EVC2: variants seen among roughly 807,000 people sequenced by gnomAD.
The protein encoded by EVC2 is limbin.
Under a neutral mutation model 149.3 loss-of-function variants are expected in EVC2, and 148 were observed. The observed-to-expected ratio is 0.99, with a 90% confidence interval of 0.87 to 1.14. The LOEUF (loss-of-function observed/expected upper bound fraction) is 1.14. Among genes scored for constraint, EVC2 ranks in the 50% most tolerant of loss-of-function variants. The pLI is 0.00. For missense variants in EVC2, 1,854 were observed against 1,627.3 expected, an observed-to-expected ratio of 1.14 and a Z score of -2.40; for synonymous variants, 776 against 649.9, an observed-to-expected ratio of 1.19 and a Z score of -2.95.
downstream of EVC2, among the ~76,000 whole-genome samples, chr4:5,540,699 A>G (rs971634596): frequency 5.3e-5 from 8 of 152,150 alleles, no homozygotes; most frequent in African/African-American, 1.9e-4. Flanking sequence ...GCCACAAGGA[A>G]ATTTTGGGGG....
chr4:5,576,540 T>G lies in EVC2; in HGVS notation c.3058-86A>C. The G allele has an allele frequency of 6.5e-7, 1 of 1,534,226 alleles. No individual in the cohort carries two copies. The highest frequency in any genetic ancestry group is 8.7e-7 in the Non-Finnish European group (1 of 1,146,418). On this transcript the variant is annotated intron_variant, in intron 17 of 21. Transcript: ENST00000344408. This position sits in a 1 kb window ranked among gnomAD's most constrained non-coding sequence, Gnocchi z 4.5. ...AAATCTGACCTCCTGGGTGTCTTGC[T>G]ACAAGTCTGGCATGACTCTGTCTTG...
At chr4:5,535,615 G>GAT in the EVC2 span, among the ~76,000 whole-genome samples, 1 of 149,950 alleles carries the variant, frequency 6.7e-6, no homozygotes, top group African/African-American at 2.5e-5. This position sits in a 1 kb window ranked among gnomAD's most constrained non-coding sequence, Gnocchi z 4.7. Flanking sequence ...GAGAGAGAGA[G>GAT]AGAGAGAGAG....
Position 5,643,193 on chromosome 4 carries a change from T to C in EVC2, c.1146-2355A>G, listed in dbSNP as rs1373362218. On this transcript the variant is annotated intron_variant, in intron 9 of 21. Coordinates refer to ENST00000344408, the MANE Select transcript of EVC2 (RefSeq NM_147127.5). ...ACACCTCAAAAGACAAACTAGCAAG[T>C]ATCAGATCACTCTGAGCTTCAACCT... 3.9e-5 allele frequency among the ~76,000 whole-genome samples: 6 copies of C among 152,302 alleles called. 1 individual carries two copies. In the South Asian group the frequency reaches 1.0e-3, roughly 26 times the overall value.
At chr4:5,584,539 G>C in intron 17 of EVC2, 84 bp downstream of exon 17, 1 of 1,384,766 alleles carries the variant, frequency 7.2e-7, no homozygotes, top group Admixed American at 1.9e-5. Context: ...GGGGGTTGCA[G>C]CCTGTTTCAT....
Position 5,708,283 on chromosome 4 carries a change from T to C in EVC2, c.228+3A>G. ...CCGGAGCCTGGGGTCGGGCCCTCCTTACCTGCGTGCTGCTCTCGGGCCCCG... is the reference window on the plus strand; with the variant it reads ...CCGGAGCCTGGGGTCGGGCCCTCCTCACCTGCGTGCTGCTCTCGGGCCCCG... On this transcript the variant is annotated splice_donor_region_variant and intron_variant, in intron 1 of 21. Coordinates refer to ENST00000344408, the MANE Select transcript of EVC2 (RefSeq NM_147127.5). 1 of 1,479,548 alleles carries C rather than the reference T, an allele frequency of 6.8e-7. No homozygotes were observed. The highest frequency in any genetic ancestry group is 1.3e-5 in the South Asian group (1 of 76,670). The allele number at this position is 1,479,548 out of a possible 1,614,324, so 91.7% of individuals were successfully genotyped here. A position where few individuals can be genotyped will look rare whatever the true frequency, so the allele number is the denominator to read the frequency against.
At chr4:5,542,027 G>A (rs1721523316), downstream of EVC2, among the ~76,000 whole-genome samples, 1 of 152,122 alleles carries the variant, frequency 6.6e-6, no homozygotes, top group African/African-American at 2.4e-5. Flanking sequence ...ATCCCATAAG[G>A]ATAGGGCCTT....
chr4:5,584,781 G>A lies in EVC2; in HGVS notation c.2899C>T (p.Leu967Phe), dbSNP rs1183368980. The change falls in exon 17 of 22, where the codon CTT (leucine) becomes TTT (phenylalanine). Residue 967 changes from leucine (L) to phenylalanine (F), a missense_variant. Coordinates refer to ENST00000344408, the MANE Select transcript of EVC2 (RefSeq NM_147127.5). ...EAQEGGFAQS[L>F]VALQFQKASR... ...GCCTTCTGGAACTGCAGAGCAACAA[G>A]CGACTGTGCAAAGCCTCCCTCCTGT... 6.2e-7 allele frequency: 1 copy of A among 1,614,162 alleles called. No individual in the cohort carries two copies. The highest frequency in any genetic ancestry group is 8.5e-7 in the Non-Finnish European group (1 of 1,180,026).
downstream of EVC2, among the ~76,000 whole-genome samples, chr4:5,560,365 T>A (rs1721914623): frequency 6.6e-6 from 1 of 152,138 alleles, no homozygotes; most frequent in African/African-American, 2.4e-5. The surrounding 1 kb of genome is among the most constrained non-coding windows in gnomAD (Gnocchi z 4.1). Flanking sequence ...GACTCACAGT[T>A]CCACATGACT....
chr4:5,600,393 C>T (rs914466232), intron 16 of EVC2, among the ~76,000 whole-genome samples: 19 of 152,086 alleles, frequency 1.2e-4, no homozygotes, highest in Non-Finnish European at 1.0e-4. Context: ...CCATATTGAG[C>T]GTTTCCCCCT....
At chr4:5,689,130 CCT>C (rs1560227795) in intron 5 of EVC2, 25 bp downstream of exon 5, 1 of 1,612,968 alleles carries the variant, frequency 6.2e-7, no homozygotes. Flanking sequence ...ATTTGTCATC[CCT>C]GACTTCAGAA....
the EVC2 span, among the ~76,000 whole-genome samples, chr4:5,537,246 G>A: frequency 6.6e-6 from 1 of 152,280 alleles, no homozygotes; most frequent in African/African-American, 2.4e-5. Context: ...GCAGAGTTTT[G>A]GAGAGAGGAG....
chr4:5,579,687 C>T (rs1262770332), intron 17 of EVC2, among the ~76,000 whole-genome samples: 1 of 152,046 alleles, frequency 6.6e-6, no homozygotes, highest in Non-Finnish European at 1.5e-5. Flanking sequence ...ACTAAAAATA[C>T]AAAATTAGCT....
chr4:5,565,168 T>C, intron 21 of EVC2, 90 bp downstream of exon 21: 2 of 1,263,116 alleles, frequency 1.6e-6, no homozygotes, highest in Non-Finnish European at 2.3e-6. Flanking sequence ...AGCAACCTCC[T>C]TTCCTTGTCA....
chr4:5,589,189 TTA>T (rs1314034181), intron 16 of EVC2, among the ~76,000 whole-genome samples: 4 of 152,352 alleles, frequency 2.6e-5, no homozygotes, highest in Non-Finnish European at 5.9e-5. Flanking sequence ...ACCTTTTGGG[TTA>T]TGTTTTTAAG....
At position 5,663,393 on chromosome 4, in the gene EVC2, T is replaced by C. The variant is rs1577223596; in HGVS notation, c.1006-147A>G. 2.5e-5 allele frequency: 26 copies of C among 1,042,160 alleles called. No homozygotes were observed. In the East Asian group the frequency reaches 5.6e-4, roughly 22 times the overall value. 64.6% of individuals were successfully genotyped at this position (1,042,160 alleles called of 1,614,324 possible). ...GACCACAGTAAACCCAGACAAGCTTTTGCGAATGTCCCTGAGCCTCTGTTT... is the reference window on the plus strand; with the variant it reads ...GACCACAGTAAACCCAGACAAGCTTCTGCGAATGTCCCTGAGCCTCTGTTT... On this transcript the variant is annotated intron_variant, in intron 8 of 21. Transcript: ENST00000344408.
chr4:5,702,318 A>G (rs1342870411), intron 1 of EVC2, among the ~76,000 whole-genome samples: 1 of 152,154 alleles, frequency 6.6e-6, no homozygotes, highest in Non-Finnish European at 1.5e-5. Context: ...ACATAGTAAC[A>G]TGATTCCTGC....
chr4:5,650,234 A>C (rs73794697), intron 9 of EVC2, among the ~76,000 whole-genome samples: 17,856 of 151,890 alleles, frequency 0.12, 1,697 homozygotes, highest in African/African-American at 0.26. Context: ...TACTCCACCC[A>C]CTGGCCAGAC....
chr4:5,558,359 C>T (rs969395264), downstream of EVC2, among the ~76,000 whole-genome samples: 29 of 152,038 alleles, frequency 1.9e-4, no homozygotes, highest in Middle Eastern at 3.2e-3. Context: ...GCCAGGGGTC[C>T]AGGTGGAGGA....
chr4:5,692,218 G>C (rs1721165091), intron 3 of EVC2, among the ~76,000 whole-genome samples: 1 of 152,094 alleles, frequency 6.6e-6, no homozygotes, highest in South Asian at 2.1e-4. Flanking sequence ...TGTAGAGATG[G>C]GGCCTTGCTA....
Sources: allele counts gnomAD v4.1 joint callset (sites outside exome capture counted in the v4.1 genomes callset), GRCh38; gene constraint gnomAD v4.1.1; non-coding constraint Gnocchi (gnomAD v3.1); transcripts MANE v1.5; gene names NCBI Gene and HGNC (gene_info 2026-07-23, HGNC 2026-07-21).